Variants in AGAP1 observed in about 807,000 individuals in gnomAD.
AGAP1 encodes the protein arf-GAP with GTPase, ANK repeat and PH domain-containing protein 1.
Under a neutral mutation model 105.3 loss-of-function variants are expected in AGAP1, and 29 were observed. The ratio of observed to expected loss-of-function variants is 0.28; its 90% CI spans 0.21 to 0.38. The LOEUF (loss-of-function observed/expected upper bound fraction) is 0.38, where lower values mean the gene tolerates loss of function less well. Among genes scored for constraint, AGAP1 ranks in the 10% least tolerant of loss-of-function variants. The probability of loss-of-function intolerance (pLI) is 1.00; values close to 1 mark genes in which losing one functional copy is unlikely to be tolerated. For synonymous variants in AGAP1, 509 were observed against 485.9 expected (o/e 1.05, Z -0.63); for missense variants, 998 against 1,165.1 (o/e 0.86, Z 2.09).
chr2:235,850,317 G>T (rs1962042294), intron 9 of AGAP1, among the ~76,000 whole-genome samples: 2 of 152,250 alleles, frequency 1.3e-5, no homozygotes, highest in South Asian at 4.1e-4. Context: ...ATAGCCACAA[G>T]TGACTGGCCT....
chr2:235,510,720 C>A (rs1275851038), intron 1 of AGAP1, among the ~76,000 whole-genome samples: 1 of 152,124 alleles, frequency 6.6e-6, no homozygotes, highest in African/African-American at 2.4e-5. Context: ...GATGGGATAG[C>A]AGCTGTCCTT....
chr2:235,921,744 T>C (rs1021505018), intron 11 of AGAP1, among the ~76,000 whole-genome samples: 5 of 152,216 alleles, frequency 3.3e-5, no homozygotes, highest in Non-Finnish European at 4.4e-5. Flanking sequence ...CTAGTAGATA[T>C]GTTGAATTGT....
intron 9 of AGAP1, among the ~76,000 whole-genome samples, chr2:235,856,710 G>A (rs2048700069): frequency 6.6e-6 from 1 of 152,252 alleles, no homozygotes; most frequent in Non-Finnish European, 1.5e-5. Flanking sequence ...TGCCCATGCA[G>A]AGTCACAGGT....
At chr2:236,032,752 G>T (rs1267059723) in intron 13 of AGAP1, among the ~76,000 whole-genome samples, 1 of 152,138 alleles carries the variant, frequency 6.6e-6, no homozygotes, top group Non-Finnish European at 1.5e-5. Flanking sequence ...CATGAAGTTT[G>T]CAAGAGAGTG....
At position 235,577,882 on chromosome 2, in the gene AGAP1, A is replaced by G. The variant is rs1944788249; in HGVS notation, c.163+83033A>G. ...TGATAGTTCGCCTTTGTACGGATGA[A>G]AAAAACCAAACACTGAGCCTGGTCT... On this transcript the variant is annotated intron_variant, in intron 1 of 17. Transcript: ENST00000304032. This position sits in a 1 kb window ranked among gnomAD's most constrained non-coding sequence, Gnocchi z 4.5. 6.6e-6 allele frequency among the ~76,000 whole-genome samples: 1 copy of G among 152,032 alleles called. No individual in the cohort carries two copies. The highest frequency in any genetic ancestry group is 2.1e-4 in the South Asian group (1 of 4,812).
rs567028445 is a variant in AGAP1 at position 235,986,154 on chromosome 2, G to C, written c.1645+17531G>C. Among the ~76,000 whole-genome samples, 4 of 152,120 alleles carry C rather than the reference G, an allele frequency of 2.6e-5. No homozygotes were observed. The South Asian group carries it at 8.3e-4, about 32-fold the overall frequency. Reference sequence around the variant, plus strand: ...TCCTCTCTTATTTCCTTGAGCAGTGGTTTGTCGTTCTCCTTGCACACGTCC... The same window carrying C: ...TCCTCTCTTATTTCCTTGAGCAGTGCTTTGTCGTTCTCCTTGCACACGTCC... On this transcript the variant is annotated intron_variant, in intron 13 of 17. Transcript: ENST00000304032.
intron 1 of AGAP1, among the ~76,000 whole-genome samples, chr2:235,554,672 C>T (rs1943917783): frequency 6.6e-6 from 1 of 152,060 alleles, no homozygotes; most frequent in Non-Finnish European, 1.5e-5. Context: ...ATCACGGAAC[C>T]ATTTCTTTCT....
At chr2:235,718,894 A>G (rs1305438761) in intron 3 of AGAP1, among the ~76,000 whole-genome samples, 1 of 152,132 alleles carries the variant, frequency 6.6e-6, no homozygotes, top group Non-Finnish European at 1.5e-5. Context: ...CAAAGGCCAC[A>G]TTTTGTCAGG....
At chr2:235,805,834 A>G (rs975956923) in intron 8 of AGAP1, among the ~76,000 whole-genome samples, 4 of 152,168 alleles carry the variant, frequency 2.6e-5, no homozygotes, top group Non-Finnish European at 5.9e-5. Flanking sequence ...CTGTCATCTC[A>G]TTCTAGGCAT....
Position 235,732,915 on chromosome 2 carries a change from C to A in AGAP1, c.311-8048C>A, listed in dbSNP as rs1157928392. Among the ~76,000 whole-genome samples, 3 of 152,164 alleles carry A rather than the reference C, an allele frequency of 2.0e-5. No homozygotes were observed. The highest frequency in any genetic ancestry group is 4.4e-5 in the Non-Finnish European group (3 of 68,032). ...GACCTCAGCCACCTCCCCCAGCCAG[C>A]CCCAGGGGTGTTGGGGGCATCTTTC... On this transcript the variant is annotated intron_variant, in intron 3 of 17. Coordinates refer to ENST00000304032, the MANE Select transcript of AGAP1 (RefSeq NM_001037131.3). The surrounding 1 kb of genome is among the most constrained non-coding windows in gnomAD (Gnocchi z 4.8).
intron 13 of AGAP1, among the ~76,000 whole-genome samples, chr2:236,021,356 C>T (rs1329335579): frequency 6.6e-6 from 1 of 152,024 alleles, no homozygotes; most frequent in Non-Finnish European, 1.5e-5. Context: ...AAGCCCTCAC[C>T]GTGGACAGTG....
chr2:235,663,685 T>A lies in AGAP1; in HGVS notation c.164-45494T>A, dbSNP rs761679053. On this transcript the variant is annotated intron_variant, in intron 1 of 17. Coordinates refer to ENST00000304032, the MANE Select transcript of AGAP1 (RefSeq NM_001037131.3). The surrounding 1 kb of genome is among the most constrained non-coding windows in gnomAD (Gnocchi z 5.4). ...AAGCTTGGTAAACATCCAGATGTTG[T>A]CAAACATATTTAGGTCATTGTTCTC... 6.6e-6 allele frequency among the ~76,000 whole-genome samples: 1 copy of A among 152,192 alleles called. No individual in the cohort carries two copies. Among genetic ancestry groups the A allele is most frequent in the Non-Finnish European group, 1.5e-5 (1 of 68,040 alleles).
intron 6 of AGAP1, among the ~76,000 whole-genome samples, chr2:235,763,380 G>T (rs959886666): frequency 6.6e-6 from 1 of 152,104 alleles, no homozygotes. Context: ...TTCCCACCCT[G>T]TGGTTATTGA....
At position 235,664,413 on chromosome 2, in the gene AGAP1, T is replaced by C. The variant is rs925614887; in HGVS notation, c.164-44766T>C. 2.0e-5 allele frequency among the ~76,000 whole-genome samples: 3 copies of C among 152,004 alleles called. No individual in the cohort carries two copies. The stretch of plus-strand genomic sequence containing the variant: ...TATTTTTATAAATATAAAAAAGATT[T>C]CACCATGTTGGCCAGGCTGGTCTCA... On this transcript the variant is annotated intron_variant, in intron 1 of 17. Transcript: ENST00000304032. This position sits in a 1 kb window ranked among gnomAD's most constrained non-coding sequence, Gnocchi z 5.7.
chr2:235,999,031 G>T (rs1174580873), intron 13 of AGAP1, among the ~76,000 whole-genome samples: 1 of 151,378 alleles, frequency 6.6e-6, no homozygotes, highest in Non-Finnish European at 1.5e-5. Flanking sequence ...TGGTGGTGGT[G>T]GTACTGGTGA....
rs989091568 is a variant in AGAP1, at chr2:236,121,075, A to G, written c.2370+628A>G. On this transcript the variant is annotated intron_variant, in intron 17 of 17. Transcript: ENST00000304032. The surrounding 1 kb of genome is among the most constrained non-coding windows in gnomAD (Gnocchi z 4.9). ...GGACCCCTGGGGCTTCTGCTGAGGC[A>G]GGTTCCCACCAGAGGCAGGCAGAAA... 6.6e-6 allele frequency among the ~76,000 whole-genome samples: 1 copy of G among 152,192 alleles called. No individual in the cohort carries two copies. Among genetic ancestry groups the G allele is most frequent in the African/African-American group, 2.4e-5 (1 of 41,462 alleles).
intron 11 of AGAP1, among the ~76,000 whole-genome samples, chr2:235,909,354 T>C (rs1342234633): frequency 6.6e-6 from 1 of 152,256 alleles, no homozygotes; most frequent in Non-Finnish European, 1.5e-5. Flanking sequence ...ATTTTAATTA[T>C]CTGCCATTCT....
At chr2:235,505,459 G>A (rs550198838) in intron 1 of AGAP1, among the ~76,000 whole-genome samples, 3 of 152,204 alleles carry the variant, frequency 2.0e-5, no homozygotes, top group Non-Finnish European at 4.4e-5. Flanking sequence ...GGTGGTGGGA[G>A]GACCAAGTTT....
chr2:235,674,759 G>A (rs1948634902), intron 1 of AGAP1, among the ~76,000 whole-genome samples: 1 of 149,160 alleles, frequency 6.7e-6, no homozygotes, highest in East Asian at 2.0e-4. Flanking sequence ...AGCGATCTCA[G>A]CTCACTGCAA....
Sources: allele counts gnomAD v4.1 joint callset (sites outside exome capture counted in the v4.1 genomes callset), GRCh38; gene constraint gnomAD v4.1.1; non-coding constraint Gnocchi (gnomAD v3.1); transcripts MANE v1.5; gene names NCBI Gene and HGNC (gene_info 2026-07-23, HGNC 2026-07-21).